The following PPP1R16B variants were observed in gnomAD, a reference collection of about 807,000 sequenced individuals.
PPP1R16B encodes the protein protein phosphatase 1 regulatory subunit 16B, also known as protein phosphatase 1 regulatory inhibitor subunit 16B.
Under a neutral mutation model 61.7 loss-of-function variants are expected in PPP1R16B, and 14 were observed. That is an observed-to-expected ratio of 0.23 (90% CI 0.15 to 0.35). The LOEUF is 0.35. PPP1R16B is among the 10% of genes least tolerant of loss of function. The pLI is 1.00. For synonymous variants in PPP1R16B, 266 were observed against 305.3 expected (o/e 0.87, Z 1.34); for missense variants, 547 against 752.5 (o/e 0.73, Z 3.19).
chr20:38,853,067 C>T (rs904984423), intron 2 of PPP1R16B, among the ~76,000 whole-genome samples: 18 of 151,996 alleles, frequency 1.2e-4, no homozygotes, highest in Non-Finnish European at 1.5e-4. Context: ...CCATTGCGCC[C>T]GGCCCCACTG....
At chr20:38,842,878 G>GA (rs1276270782) in intron 2 of PPP1R16B, among the ~76,000 whole-genome samples, 1 of 150,588 alleles carries the variant, frequency 6.6e-6, no homozygotes, top group African/African-American at 2.4e-5. Flanking sequence ...TAGAAGTACA[G>GA]AAAAAAAGAA....
At chr20:38,863,432 G>A (rs926486855) in intron 2 of PPP1R16B, among the ~76,000 whole-genome samples, 1 of 152,200 alleles carries the variant, frequency 6.6e-6, no homozygotes, top group Non-Finnish European at 1.5e-5. Context: ...CAAAGTGAGG[G>A]GTAATGGAAA....
intron 2 of PPP1R16B, among the ~76,000 whole-genome samples, chr20:38,888,111 C>T (rs557339345): frequency 2.6e-5 from 4 of 152,332 alleles, no homozygotes; most frequent in East Asian, 1.9e-4. Context: ...CAGAAATCAA[C>T]GAGGAAACCA....
At chr20:38,882,785 A>G (rs1212436760) in intron 2 of PPP1R16B, among the ~76,000 whole-genome samples, 7 of 152,178 alleles carry the variant, frequency 4.6e-5, no homozygotes, top group Non-Finnish European at 1.0e-4. Flanking sequence ...GGCCTCCCAG[A>G]GGAGGTGACA....
chr20:38,854,125 T>G (rs1170407777), intron 2 of PPP1R16B, among the ~76,000 whole-genome samples: 1 of 152,202 alleles, frequency 6.6e-6, no homozygotes, highest in Non-Finnish European at 1.5e-5. Context: ...GCACATCATG[T>G]TGCTCGAACA....
rs1404195877 is a variant in PPP1R16B at position 38,921,449 on chromosome 20, TC to T, written c.*2786del. On this transcript the variant is annotated 3_prime_UTR_variant, in exon 11 of 11. Transcript: ENST00000299824. ...CCTTGGGGACCACAGGCATCAGCAGTCCCATTCAAGTCACCTGAGGCAAAGT... is the reference window on the plus strand; with the variant it reads ...CCTTGGGGACCACAGGCATCAGCAGTCCATTCAAGTCACCTGAGGCAAAGT... 6.6e-6 allele frequency: 1 copy of T among 152,226 alleles called. No homozygotes were observed. The highest frequency in any genetic ancestry group is 2.4e-5 in the African/African-American group (1 of 41,454). 9.4% of individuals were successfully genotyped at this position (152,226 alleles called of 1,614,324 possible). A position where few individuals can be genotyped will look rare whatever the true frequency, so the allele number is the denominator to read the frequency against.
chr20:38,859,076 C>A (rs1050307628), intron 2 of PPP1R16B, among the ~76,000 whole-genome samples: 1 of 152,104 alleles, frequency 6.6e-6, no homozygotes, highest in Admixed American at 6.5e-5. Flanking sequence ...GAACAGCTAC[C>A]AAGCCGACCC....
chr20:38,840,771 G>A (rs374719836), intron 2 of PPP1R16B, among the ~76,000 whole-genome samples: 3 of 152,254 alleles, frequency 2.0e-5, no homozygotes, highest in South Asian at 2.1e-4. Flanking sequence ...TAGCTCTACC[G>A]TTTACTAGCT....
chr20:38,908,023 C>G lies in PPP1R16B; in HGVS notation c.1029-5C>G. On this transcript the variant is annotated splice_region_variant and splice_polypyrimidine_tract_variant and intron_variant, in intron 9 of 10. Coordinates refer to ENST00000299824, the MANE Select transcript of PPP1R16B (RefSeq NM_015568.4). ...CAGCCTCTAGGACCCACTTTGTCCT[C>G]TCAGGAAGGTGGTGCGGCGAGCCAG... The G allele has an allele frequency of 6.2e-7, 1 of 1,614,176 alleles. No homozygotes were observed.
At chr20:38,864,505 G>T (rs1241131666) in intron 2 of PPP1R16B, among the ~76,000 whole-genome samples, 1 of 152,040 alleles carries the variant, frequency 6.6e-6, no homozygotes, top group African/African-American at 2.4e-5. Context: ...CCCCATTTTT[G>T]CAGTTGTGGA....
chr20:38,824,117 C>T (rs1005188829), intron 1 of PPP1R16B, among the ~76,000 whole-genome samples: 2 of 152,210 alleles, frequency 1.3e-5, no homozygotes, highest in Non-Finnish European at 2.9e-5. Context: ...ACAATATCTA[C>T]ATTGCAGAGT....
chr20:38,879,396 C>T (rs2085190106), intron 2 of PPP1R16B, among the ~76,000 whole-genome samples: 1 of 152,066 alleles, frequency 6.6e-6, no homozygotes, highest in African/African-American at 2.4e-5. Flanking sequence ...TTGAGGAAAT[C>T]GAATACACAA....
rs545731006 is a variant in PPP1R16B, at chr20:38,908,294, A to G, written c.1194+101A>G. 91 of 1,438,732 alleles carry G rather than the reference A, an allele frequency of 6.3e-5. No homozygotes were observed. In the African/African-American group the frequency reaches 1.1e-3, roughly 17 times the overall value. 89.1% of individuals were successfully genotyped at this position (1,438,732 alleles called of 1,614,324 possible). ...CTTCAACTGAGAGCCTTCAGAGGGA[A>G]GTAGCCAGGCACTGCCCTTAAACTA... On this transcript the variant is annotated intron_variant, in intron 10 of 10. Transcript: ENST00000299824.
rs180960239 is a variant in PPP1R16B at position 38,883,514 on chromosome 20, C to T, written c.251-6081C>T. On this transcript the variant is annotated intron_variant, in intron 2 of 10. Coordinates refer to ENST00000299824, the MANE Select transcript of PPP1R16B (RefSeq NM_015568.4). ...TGCCAGGGAGGTGTAGGCGGAGCAGCGGGGTCGGCGCCAGGAGCAGGGATA... is the reference window on the plus strand; with the variant it reads ...TGCCAGGGAGGTGTAGGCGGAGCAGTGGGGTCGGCGCCAGGAGCAGGGATA... 4.3e-3 allele frequency among the ~76,000 whole-genome samples: 653 copies of T among 152,312 alleles called. 2 individuals are homozygous for T. The highest frequency in any genetic ancestry group is 5.2e-3 in the African/African-American group (216 of 41,566).
chr20:38,839,355 G>A (rs972695916), intron 2 of PPP1R16B, among the ~76,000 whole-genome samples: 3 of 152,204 alleles, frequency 2.0e-5, no homozygotes, highest in East Asian at 3.8e-4. Context: ...CGGTGATAAC[G>A]CACTTTATTT....
In PPP1R16B at chr20:38,830,343, A is replaced by C. The variant is rs185608234; in HGVS notation, c.-101-5482A>C. Among the ~76,000 whole-genome samples, 653 of 152,342 alleles carry C rather than the reference A, an allele frequency of 4.3e-3. 3 individuals carry two copies. The highest frequency in any genetic ancestry group is 7.0e-3 in the Non-Finnish European group (476 of 68,030). ...AGTTTATATGAGTGCTTCTCTTGTA[A>C]GATTATTGCCACGAAGATCAATGGC... On this transcript the variant is annotated intron_variant, in intron 1 of 10. Coordinates refer to ENST00000299824, the MANE Select transcript of PPP1R16B (RefSeq NM_015568.4).
intron 2 of PPP1R16B, among the ~76,000 whole-genome samples, chr20:38,852,747 CTTTTT>C (rs1185726609): frequency 3.2e-5 from 1 of 31,498 alleles, no homozygotes; most frequent in Non-Finnish European, 5.1e-5. Context: ...CCACTGTTTC[CTTTTT>C]TTTTTTTTTT....
intron 2 of PPP1R16B, among the ~76,000 whole-genome samples, chr20:38,870,149 C>T (rs2085118352): frequency 6.6e-6 from 1 of 152,000 alleles, no homozygotes; most frequent in Non-Finnish European, 1.5e-5. Flanking sequence ...GTCTTGAATT[C>T]CTGACCTCAA....
At chr20:38,850,903 G>A (rs1235728113) in intron 2 of PPP1R16B, among the ~76,000 whole-genome samples, 3 of 151,730 alleles carry the variant, frequency 2.0e-5, no homozygotes, top group African/African-American at 7.3e-5. Context: ...GGGAGGTGGA[G>A]GTTGCAGTGA....
Sources: gnomAD v4.1 joint callset for allele counts (sites outside exome capture counted in the v4.1 genomes callset) on GRCh38, gnomAD v4.1.1 for gene constraint, MANE v1.5 for transcripts, NCBI Gene and HGNC (gene_info 2026-07-23, HGNC 2026-07-21) for gene names.